GABRB1: variants seen among roughly 807,000 people sequenced by gnomAD.
The protein encoded by GABRB1 is gamma-aminobutyric acid type A receptor subunit beta1, also known as gamma-aminobutyric acid receptor subunit beta-1.
Under a neutral mutation model 51.6 loss-of-function variants are expected in GABRB1, and 17 were observed. The ratio of observed to expected loss-of-function variants is 0.33; its 90% CI spans 0.23 to 0.49. The LOEUF is 0.49. Ranked by LOEUF, GABRB1 falls within the 20% of genes least tolerant of loss-of-function variation. The pLI, the probability that GABRB1 is intolerant of heterozygous loss-of-function variation, is 0.99. For synonymous variants in GABRB1, 247 were observed against 218.9 expected (o/e 1.13, Z -1.14); for missense variants, 410 against 600.6 (o/e 0.68, Z 3.32).
At chr4:47,380,467 A>G (rs77328795) in intron 5 of GABRB1, among the ~76,000 whole-genome samples, 4,354 of 152,282 alleles carry the variant, frequency 0.029, 197 homozygotes, top group African/African-American at 0.099. Flanking sequence ...TAGATAAGGG[A>G]TAAGCCCCAT....
intron 3 of GABRB1, among the ~76,000 whole-genome samples, chr4:47,077,953 A>G (rs997465390): frequency 3.6e-4 from 34 of 94,634 alleles, no homozygotes; most frequent in African/African-American, 1.3e-3. Context: ...TATATATTAT[A>G]TATTTTATAT....
chr4:47,326,380 C>A (rs1442926909), intron 5 of GABRB1, among the ~76,000 whole-genome samples: 2 of 152,134 alleles, frequency 1.3e-5, no homozygotes, highest in Non-Finnish European at 2.9e-5. Flanking sequence ...GAGGACAGTA[C>A]AATAAGATAT....
chr4:47,352,945 A>G (rs1327243791), intron 5 of GABRB1, among the ~76,000 whole-genome samples: 1 of 152,236 alleles, frequency 6.6e-6, no homozygotes, highest in African/African-American at 2.4e-5. Flanking sequence ...TGATAAAGAC[A>G]TACCCAAGAC....
At chr4:47,217,279 C>A (rs1253764478) in intron 4 of GABRB1, among the ~76,000 whole-genome samples, 1 of 151,730 alleles carries the variant, frequency 6.6e-6, no homozygotes, top group Non-Finnish European at 1.5e-5. Flanking sequence ...TAGAAAATGA[C>A]TACATGCTTG....
At chr4:47,184,255 C>T (rs1037479157) in intron 4 of GABRB1, among the ~76,000 whole-genome samples, 5 of 151,992 alleles carry the variant, frequency 3.3e-5, no homozygotes, top group Admixed American at 6.6e-5. Flanking sequence ...ATCTCATAAC[C>T]GTAACACCCA....
intron 4 of GABRB1, among the ~76,000 whole-genome samples, chr4:47,296,449 G>C (rs1245885523): frequency 6.6e-6 from 1 of 151,978 alleles, no homozygotes; most frequent in East Asian, 1.9e-4. Flanking sequence ...AAAAGGCAGG[G>C]GTTGCAATCC....
At chr4:47,362,068 A>T (rs1321190138) in intron 5 of GABRB1, among the ~76,000 whole-genome samples, 1 of 152,190 alleles carries the variant, frequency 6.6e-6, no homozygotes, top group East Asian at 1.9e-4. Context: ...AAGTCTGCAA[A>T]GAATTGTGAC....
At chr4:47,110,835 T>A (rs1263900339) in intron 3 of GABRB1, among the ~76,000 whole-genome samples, 1 of 152,210 alleles carries the variant, frequency 6.6e-6, no homozygotes, top group Admixed American at 6.5e-5. Flanking sequence ...AATGTGAAAG[T>A]ATGTGAGTTT....
chr4:47,376,512 T>A (rs906008788), intron 5 of GABRB1, among the ~76,000 whole-genome samples: 1 of 152,102 alleles, frequency 6.6e-6, no homozygotes. Flanking sequence ...CCGGGCCTAG[T>A]GGCGGCCGCC....
chr4:47,229,778 T>A (rs1008791696), intron 4 of GABRB1, among the ~76,000 whole-genome samples: 3 of 151,846 alleles, frequency 2.0e-5, no homozygotes, highest in African/African-American at 7.3e-5. Flanking sequence ...CATTTTAGGG[T>A]GATGAAGGCA....
At chr4:47,039,830 A>T (rs4629419) in intron 3 of GABRB1, among the ~76,000 whole-genome samples, 1 of 152,202 alleles carries the variant, frequency 6.6e-6, no homozygotes, top group African/African-American at 2.4e-5. Context: ...TAAAAGGCAC[A>T]GGGAGGATTG....
upstream of GABRB1, among the ~76,000 whole-genome samples, chr4:47,028,229 C>T (rs1351426602): frequency 6.6e-6 from 1 of 151,396 alleles, no homozygotes; most frequent in African/African-American, 2.4e-5. Context: ...TTATGGGGTA[C>T]ATGAGATGTT....
chr4:47,116,310 T>C (rs1349596123), intron 3 of GABRB1, among the ~76,000 whole-genome samples: 1 of 152,208 alleles, frequency 6.6e-6, no homozygotes, highest in East Asian at 1.9e-4. Context: ...ATCTCAATTA[T>C]TTTAATTGGC....
chr4:47,291,324 G>T (rs1283273953), intron 4 of GABRB1, among the ~76,000 whole-genome samples: 1 of 152,214 alleles, frequency 6.6e-6, no homozygotes, highest in East Asian at 1.9e-4. Context: ...GATTTCAGAA[G>T]ATGTATGGAA....
intron 5 of GABRB1, among the ~76,000 whole-genome samples, chr4:47,367,036 T>C (rs1301786738): frequency 6.6e-6 from 1 of 152,188 alleles, no homozygotes; most frequent in African/African-American, 2.4e-5. Context: ...TACCTGGACA[T>C]AGCTACCACC....
chr4:47,300,853 G>T (rs1304716158), intron 4 of GABRB1, among the ~76,000 whole-genome samples: 2 of 152,038 alleles, frequency 1.3e-5, no homozygotes, highest in African/African-American at 2.4e-5. Flanking sequence ...AGCTCAAAAT[G>T]GACAAAGAGG....
At chr4:47,322,145 G>A (rs1279942135) in intron 5 of GABRB1, among the ~76,000 whole-genome samples, 1 of 152,146 alleles carries the variant, frequency 6.6e-6, no homozygotes, top group Non-Finnish European at 1.5e-5. Flanking sequence ...GGGAAGCCCA[G>A]GCACCCAGAT....
chr4:47,325,849 G>T (rs1258254698), intron 5 of GABRB1, among the ~76,000 whole-genome samples: 2 of 152,094 alleles, frequency 1.3e-5, no homozygotes, highest in Admixed American at 1.3e-4. Context: ...TTGTCTGAAA[G>T]TTTGTATCCC....
chr4:47,290,379 C>A (rs1192720419), intron 4 of GABRB1, among the ~76,000 whole-genome samples: 1 of 152,196 alleles, frequency 6.6e-6, no homozygotes, highest in Non-Finnish European at 1.5e-5. Flanking sequence ...GCCTCCTCCA[C>A]CACATGGAAA....
Sources: allele counts gnomAD v4.1 joint callset (sites outside exome capture counted in the v4.1 genomes callset), GRCh38; gene constraint gnomAD v4.1.1; transcripts MANE v1.5; gene names NCBI Gene and HGNC (gene_info 2026-07-23, HGNC 2026-07-21).